The following COMMD10 variants were observed in gnomAD, a reference collection of about 807,000 sequenced individuals.
COMMD10 encodes COMM domain-containing protein 10.
Under a neutral mutation model 28.9 loss-of-function variants are expected in COMMD10, and 33 were observed. That is an observed-to-expected ratio of 1.14 (90% confidence interval 0.87 to 1.53). COMMD10 has a LOEUF of 1.53. Ranked by LOEUF, COMMD10 falls within the 40% of genes most tolerant of loss-of-function variation. The pLI is 0.00. For missense variants in COMMD10, 310 were observed against 233.4 expected (o/e 1.33, Z -2.14); for synonymous variants, 110 against 81.7 (o/e 1.35, Z -1.87).
intron 5 of COMMD10, among the ~76,000 whole-genome samples, chr5:116,206,812 T>A (rs150075216): frequency 1.3e-5 from 2 of 152,222 alleles, no homozygotes; most frequent in Non-Finnish European, 2.9e-5. Context: ...TGGCAGATTT[T>A]AAAATCAGAA....
chr5:116,237,103 A>G (rs1459709305), intron 5 of COMMD10, among the ~76,000 whole-genome samples: 7 of 152,138 alleles, frequency 4.6e-5, no homozygotes, highest in Non-Finnish European at 1.5e-5. Context: ...TGGCTATCTG[A>G]ATGAAGAATG....
chr5:116,224,120 G>T (rs888297662), intron 5 of COMMD10, among the ~76,000 whole-genome samples: 1 of 152,062 alleles, frequency 6.6e-6, no homozygotes, highest in South Asian at 2.1e-4. Context: ...AGGTTCTAAG[G>T]ATTCTGGGGT....
chr5:116,241,810 G>T lies in COMMD10; in HGVS notation c.511-49707G>T, dbSNP rs7718522. On this transcript the variant is annotated intron_variant, in intron 5 of 6. Coordinates refer to ENST00000274458, the MANE Select transcript of COMMD10 (RefSeq NM_016144.4). Reference sequence around the variant, plus strand: ...TGTATTTTCTTTTTAGTAGAGACGGGATTTCACCATGTTAGCCAGGATGGT... The same window carrying T: ...TGTATTTTCTTTTTAGTAGAGACGGTATTTCACCATGTTAGCCAGGATGGT... Among the ~76,000 whole-genome samples the T allele has an allele frequency of 4.9e-3, 741 of 151,506 alleles. 10 individuals are homozygous for T. Among genetic ancestry groups the T allele is most frequent in the African/African-American group, 0.017 (700 of 41,244 alleles).
intron 5 of COMMD10, among the ~76,000 whole-genome samples, chr5:116,160,976 T>C (rs1428188114): frequency 2.0e-5 from 3 of 152,178 alleles, no homozygotes; most frequent in South Asian, 2.1e-4. Context: ...ATTTTTTTCA[T>C]GTTAATATCA....
chr5:116,141,451 C>T (rs1752192541), intron 5 of COMMD10, among the ~76,000 whole-genome samples: 1 of 151,564 alleles, frequency 6.6e-6, no homozygotes, highest in Admixed American at 6.6e-5. Flanking sequence ...TGAAAAAATG[C>T]CATTGGAATT....
At chr5:116,238,283 A>C (rs1275416093) in intron 5 of COMMD10, among the ~76,000 whole-genome samples, 1 of 152,252 alleles carries the variant, frequency 6.6e-6, no homozygotes, top group East Asian at 1.9e-4. Flanking sequence ...AAAACTGCAC[A>C]TATTTACTGG....
Position 116,293,221 on chromosome 5 carries a change from G to A in COMMD10, c.*732G>A, listed in dbSNP as rs191507349. On this transcript the variant is annotated 3_prime_UTR_variant, in exon 7 of 7. Coordinates refer to ENST00000274458, the MANE Select transcript of COMMD10 (RefSeq NM_016144.4). ...TAAATGGGCACCATTATTCGAATCA[G>A]ATACCTTTTATATTCTCTTTCCATA... is the stretch of plus-strand genomic sequence containing the variant. 458 of 381,448 alleles carry A rather than the reference G, an allele frequency of 1.2e-3. 3 individuals carry two copies. Among genetic ancestry groups the A allele is most frequent in the African/African-American group, 8.7e-3 (419 of 48,274 alleles). 23.6% of individuals were successfully genotyped at this position (381,448 alleles called of 1,614,324 possible).
chr5:116,218,997 T>C (rs1198257617), intron 5 of COMMD10, among the ~76,000 whole-genome samples: 1 of 152,198 alleles, frequency 6.6e-6, no homozygotes, highest in Non-Finnish European at 1.5e-5. Flanking sequence ...ATCATAAGGA[T>C]AGGGCTATTA....
At chr5:116,222,260 A>T (rs1249502336) in intron 5 of COMMD10, among the ~76,000 whole-genome samples, 1 of 152,218 alleles carries the variant, frequency 6.6e-6, no homozygotes, top group Non-Finnish European at 1.5e-5. Context: ...ATAGTAAGGC[A>T]GTCTGTATGG....
intron 4 of COMMD10, among the ~76,000 whole-genome samples, chr5:116,113,078 A>T (rs1443008676): frequency 2.0e-5 from 3 of 152,168 alleles, no homozygotes; most frequent in Non-Finnish European, 2.9e-5. Context: ...TATGAAGCTT[A>T]ATACTACCTG....
intron 5 of COMMD10, among the ~76,000 whole-genome samples, chr5:116,256,370 T>A (rs1295991494): frequency 6.6e-6 from 1 of 151,734 alleles, no homozygotes; most frequent in Non-Finnish European, 1.5e-5. Context: ...TTGACATGAT[T>A]ATAGTGAAGT....
chr5:116,185,627 A>T (rs1236321230), intron 5 of COMMD10, among the ~76,000 whole-genome samples: 1 of 152,152 alleles, frequency 6.6e-6, no homozygotes, highest in Non-Finnish European at 1.5e-5. Context: ...ACATAGCAAA[A>T]GGACAAGGGT....
intron 5 of COMMD10, among the ~76,000 whole-genome samples, chr5:116,180,622 G>C (rs1747923789): frequency 6.6e-6 from 1 of 151,242 alleles, no homozygotes; most frequent in African/African-American, 2.4e-5. Flanking sequence ...CTCTTTTTGT[G>C]ACCTTCAATC....
At chr5:116,190,467 G>A (rs1409074880) in intron 5 of COMMD10, among the ~76,000 whole-genome samples, 3 of 152,104 alleles carry the variant, frequency 2.0e-5, no homozygotes, top group African/African-American at 7.2e-5. Flanking sequence ...ATATTTTATA[G>A]TTTGATAAAT....
chr5:116,169,691 A>G (rs536162625), intron 5 of COMMD10, among the ~76,000 whole-genome samples: 11 of 152,360 alleles, frequency 7.2e-5, no homozygotes, highest in Non-Finnish European at 1.6e-4. Context: ...AACATATGCA[A>G]ATGAATAAAC....
intron 5 of COMMD10, among the ~76,000 whole-genome samples, chr5:116,269,131 GA>G (rs1047095285): frequency 4.0e-5 from 6 of 151,260 alleles, no homozygotes; most frequent in African/African-American, 9.7e-5. Flanking sequence ...TGCTTAAACA[GA>G]AAAAAAATTG....
intron 4 of COMMD10, among the ~76,000 whole-genome samples, chr5:116,116,964 A>G (rs1233860730): frequency 2.6e-5 from 4 of 152,164 alleles, no homozygotes; most frequent in Non-Finnish European, 5.9e-5. Flanking sequence ...ATTACTTTCA[A>G]CCTCATCCTC....
intron 5 of COMMD10, among the ~76,000 whole-genome samples, chr5:116,275,958 G>GTATA (rs139704662): frequency 1.8e-4 from 27 of 148,552 alleles, no homozygotes; most frequent in East Asian, 1.2e-3. Flanking sequence ...AAAAAAAAAT[G>GTATA]TATATATATA....
intron 5 of COMMD10, among the ~76,000 whole-genome samples, chr5:116,243,606 A>G (rs913129453): frequency 3.9e-5 from 6 of 152,158 alleles, no homozygotes; most frequent in African/African-American, 1.4e-4. Flanking sequence ...AGTATTAAAA[A>G]CTGCTACATC....
Sources: gnomAD v4.1 joint callset for allele counts (sites outside exome capture counted in the v4.1 genomes callset) on GRCh38, gnomAD v4.1.1 for gene constraint, MANE v1.5 for transcripts, NCBI Gene and HGNC (gene_info 2026-07-23, HGNC 2026-07-21) for gene names.